Variants in GALNT16 observed in about 807,000 individuals in gnomAD.
GALNT16 encodes the protein UDP-GalNAc:polypeptide N-acetylgalactosaminyltransferase-like protein 1.
Under a neutral mutation model 76.1 loss-of-function variants are expected in GALNT16, and 40 were observed. The ratio of observed to expected loss-of-function variants is 0.53; its 90% CI spans 0.41 to 0.68. The LOEUF (loss-of-function observed/expected upper bound fraction) is 0.68. Ranked by LOEUF, GALNT16 falls within the 30% of genes least tolerant of loss-of-function variation. GALNT16 has a pLI of 0.00. For synonymous variants in GALNT16, 276 were observed against 285.2 expected (o/e 0.97, Z 0.32); for missense variants, 621 against 731.9 (o/e 0.85, Z 1.75).
chr14:69,380,117 C>G, the GALNT16 span: 1 of 151,164 alleles, frequency 6.6e-6, no homozygotes, highest in Non-Finnish European at 1.5e-5. Flanking sequence ...AAAAAGCACT[C>G]AGGGAGAAAA....
rs1328322259 is a variant in GALNT16 at position 69,354,125 on chromosome 14, C to T, written c.*1957C>T. 1 of 152,946 alleles carries T rather than the reference C, an allele frequency of 6.5e-6. No individual in the cohort carries two copies. 9.5% of individuals were successfully genotyped at this position (152,946 alleles called of 1,614,324 possible). Reference sequence around the variant, plus strand: ...CCCTGTTCATCTGGGAAGCCTCCTGCCACAGCTTAGGACAGAACTGGGCCC... The same window carrying T: ...CCCTGTTCATCTGGGAAGCCTCCTGTCACAGCTTAGGACAGAACTGGGCCC... On this transcript the variant is annotated 3_prime_UTR_variant, in exon 15 of 15. Transcript: ENST00000448469.
chr14:69,385,432 A>AT, the GALNT16 span, among the ~76,000 whole-genome samples: 1 of 152,126 alleles, frequency 6.6e-6, no homozygotes, highest in Non-Finnish European at 1.5e-5. Flanking sequence ...CATACAGAAG[A>AT]TAATTCCCCC....
intron 1 of GALNT16, among the ~76,000 whole-genome samples, chr14:69,297,188 A>G (rs1171721466): frequency 6.6e-6 from 1 of 152,202 alleles, no homozygotes; most frequent in Non-Finnish European, 1.5e-5. Context: ...GAGTATGTCC[A>G]TTTGTAGCAT....
intron 12 of GALNT16, 97 bp downstream of exon 12, chr14:69,341,861 C>G: frequency 1.4e-6 from 1 of 736,058 alleles, no homozygotes; most frequent in Non-Finnish European, 2.4e-6. Context: ...CTCCTCAACA[C>G]TGGTGATCTG....
chr14:69,338,303 A>G (rs775470490), intron 9 of GALNT16, among the ~76,000 whole-genome samples: 1 of 152,080 alleles, frequency 6.6e-6, no homozygotes, highest in Non-Finnish European at 1.5e-5. Context: ...TCCTTAGCTC[A>G]TGTCTGTCTG....
At chr14:69,267,464 G>A (rs181991801) in intron 1 of GALNT16, among the ~76,000 whole-genome samples, 4 of 152,192 alleles carry the variant, frequency 2.6e-5, no homozygotes, top group South Asian at 4.1e-4. Context: ...TTCACGTTTC[G>A]CTGAAGAGCA....
At chr14:69,329,087 GTGGCTCACCCC>G (rs1301640729) in intron 6 of GALNT16, among the ~76,000 whole-genome samples, 1 of 152,220 alleles carries the variant, frequency 6.6e-6, no homozygotes, top group African/African-American at 2.4e-5. Context: ...GCCTGGAGCG[GTGGCTCACCCC>G]TGTAATCCCA....
At chr14:69,326,111 C>T (rs1183637094) in intron 5 of GALNT16, 84 bp downstream of exon 5, 13 of 1,008,380 alleles carry the variant, frequency 1.3e-5, no homozygotes, top group East Asian at 2.4e-5. Context: ...GGTGCCGTGG[C>T]ACACCAAGCC....
chr14:69,363,865 C>T, the GALNT16 span, among the ~76,000 whole-genome samples: 1 of 152,180 alleles, frequency 6.6e-6, no homozygotes, highest in Non-Finnish European at 1.5e-5. Context: ...ATGGATTGGA[C>T]AAATGGATGC....
At chr14:69,260,514 C>T in intron 1 of GALNT16, 47 bp downstream of exon 1, 1 of 1,257,244 alleles carries the variant, frequency 8.0e-7, no homozygotes, top group African/African-American at 1.6e-5. Context: ...AGCCGCGGCG[C>T]GCGTCCAGAC....
chr14:69,280,633 C>T (rs1368851615), intron 1 of GALNT16, among the ~76,000 whole-genome samples: 3 of 152,092 alleles, frequency 2.0e-5, no homozygotes, highest in Admixed American at 2.0e-4. Context: ...TTTTTCTTAC[C>T]GTTTTAGCTG....
the GALNT16 span, among the ~76,000 whole-genome samples, chr14:69,371,378 C>T: frequency 1.3e-5 from 2 of 152,004 alleles, no homozygotes; most frequent in African/African-American, 2.4e-5. Context: ...CTCAGCTTCC[C>T]GAGTAGCTGG....
At chr14:69,363,676 C>CGAA in the GALNT16 span, among the ~76,000 whole-genome samples, 10 of 121,834 alleles carry the variant, frequency 8.2e-5, no homozygotes, top group Non-Finnish European at 1.7e-4. Flanking sequence ...TAAGTGTGTG[C>CGAA]TAATGAATGA....
At chr14:69,328,417 C>T in intron 5 of GALNT16, 33 bp from the exon 6 acceptor site, 1 of 1,604,842 alleles carries the variant, frequency 6.2e-7, no homozygotes, top group Non-Finnish European at 8.5e-7. Flanking sequence ...TTGGCCCAGT[C>T]CCAGCGCCAA....
chr14:69,261,401 G>T lies in GALNT16; in HGVS notation c.177+934G>T, dbSNP rs2044269944. On this transcript the variant is annotated intron_variant, in intron 1 of 14. Transcript: ENST00000448469. The surrounding 1 kb of genome is among the most constrained non-coding windows in gnomAD (Gnocchi z 6.4). ...AGGCTTTGGCACCCGCCGAGAGTGC[G>T]CTCGAGCGGGCGCATTCTTCCAGAC... is the stretch of plus-strand genomic sequence containing the variant. Among the ~76,000 whole-genome samples, 1 of 152,192 alleles carries T rather than the reference G, an allele frequency of 6.6e-6. No homozygotes were observed.
At chr14:69,300,478 C>A (rs1594833737) in intron 1 of GALNT16, among the ~76,000 whole-genome samples, 2 of 152,300 alleles carry the variant, frequency 1.3e-5, no homozygotes, top group Admixed American at 1.3e-4. Flanking sequence ...GCCCAGGCAG[C>A]ATTCTCTGAT....
the GALNT16 span, among the ~76,000 whole-genome samples, chr14:69,374,577 C>T: frequency 6.6e-6 from 1 of 152,158 alleles, no homozygotes; most frequent in Non-Finnish European, 1.5e-5. Context: ...CACAGACCAA[C>T]CAAATAAAAA....
At chr14:69,348,028 A>G (rs781154980) in intron 14 of GALNT16, 26 bp downstream of exon 14, 3 of 1,613,190 alleles carry the variant, frequency 1.9e-6, no homozygotes, top group Non-Finnish European at 2.5e-6. Flanking sequence ...TCTGGCCCAG[A>G]GGCCCAGCAG....
At chr14:69,376,963 T>TA in the GALNT16 span, among the ~76,000 whole-genome samples, 1 of 152,152 alleles carries the variant, frequency 6.6e-6, no homozygotes, top group East Asian at 1.9e-4. Flanking sequence ...CTCTTGCACT[T>TA]ACCTAAGTCT....
Sources: allele counts gnomAD v4.1 joint callset (sites outside exome capture counted in the v4.1 genomes callset), GRCh38; gene constraint gnomAD v4.1.1; non-coding constraint Gnocchi (gnomAD v3.1); transcripts MANE v1.5; gene names NCBI Gene and HGNC (gene_info 2026-07-23, HGNC 2026-07-21).